SLCO5A1: variants seen among roughly 807,000 people sequenced by gnomAD.
SLCO5A1 encodes the protein solute carrier organic anion transporter family member 5A1, also known as organic anion transporter polypeptide-related protein 4.
In SLCO5A1, 39 loss-of-function variants were observed where a neutral mutation model predicts 65.1. The ratio of observed to expected loss-of-function variants is 0.60; its 90% CI spans 0.46 to 0.78. SLCO5A1 has a LOEUF of 0.78. Among genes scored for constraint, SLCO5A1 ranks in the 30% least tolerant of loss-of-function variants. The pLI is 0.00. For missense variants in SLCO5A1, 1,029 were observed against 1,069.4 expected, an observed-to-expected ratio of 0.96 and a Z score of 0.53; for synonymous variants, 438 against 415.7, an observed-to-expected ratio of 1.05 and a Z score of -0.65.
At position 69,758,951 on chromosome 8, in the gene SLCO5A1, C is replaced by T. The variant is rs1586765816; in HGVS notation, c.1040+2792G>A. 2.6e-5 allele frequency among the ~76,000 whole-genome samples: 4 copies of T among 152,314 alleles called. No homozygotes were observed. In the South Asian group the frequency reaches 8.3e-4, roughly 32 times the overall value. ...AGTTTCTTTTCCCAGCTCTCACTGACTCTGAGGCTAATGGAAAATTATTGA... is the reference window on the plus strand; with the variant it reads ...AGTTTCTTTTCCCAGCTCTCACTGATTCTGAGGCTAATGGAAAATTATTGA... On this transcript the variant is annotated intron_variant, in intron 3 of 9. Transcript: ENST00000260126.
chr8:69,815,116 G>A (rs1820349360), intron 2 of SLCO5A1, among the ~76,000 whole-genome samples: 1 of 152,100 alleles, frequency 6.6e-6, no homozygotes, highest in Non-Finnish European at 1.5e-5. Context: ...TTAATAGAGT[G>A]TGGTACATTT....
intron 2 of SLCO5A1, among the ~76,000 whole-genome samples, chr8:69,815,348 A>G (rs540409878): frequency 6.6e-6 from 1 of 152,304 alleles, no homozygotes; most frequent in South Asian, 2.1e-4. Context: ...TTAAACACTC[A>G]AAAATATTTT....
intron 5 of SLCO5A1, among the ~76,000 whole-genome samples, chr8:69,714,643 C>T (rs572836912): frequency 2.4e-4 from 37 of 152,306 alleles, no homozygotes; most frequent in Middle Eastern, 3.4e-3. Flanking sequence ...TACAGCTAAC[C>T]AAAAGAGAAT....
chr8:69,798,657 A>C (rs527780846), intron 2 of SLCO5A1, among the ~76,000 whole-genome samples: 24 of 152,252 alleles, frequency 1.6e-4, no homozygotes, highest in African/African-American at 5.5e-4. Flanking sequence ...CACCTCCAAC[A>C]CTGGGGATTA....
At chr8:69,783,443 C>A (rs557887092) in intron 2 of SLCO5A1, among the ~76,000 whole-genome samples, 1 of 151,896 alleles carries the variant, frequency 6.6e-6, no homozygotes, top group South Asian at 2.1e-4. Flanking sequence ...ATATATACAC[C>A]TACTCTGTAC....
intron 2 of SLCO5A1, among the ~76,000 whole-genome samples, chr8:69,769,131 C>T (rs749124773): frequency 2.0e-5 from 3 of 152,230 alleles, no homozygotes; most frequent in Non-Finnish European, 2.9e-5. Context: ...CAGTGACCCA[C>T]ATGGGCTACA....
chr8:69,716,757 T>G (rs1482957891), intron 5 of SLCO5A1, among the ~76,000 whole-genome samples: 2 of 151,358 alleles, frequency 1.3e-5, no homozygotes, highest in African/African-American at 4.9e-5. Flanking sequence ...AAATATTTTC[T>G]CCCATTCTGC....
At chr8:69,822,758 G>A (rs1318926236) in intron 2 of SLCO5A1, among the ~76,000 whole-genome samples, 1 of 152,230 alleles carries the variant, frequency 6.6e-6, no homozygotes, top group African/African-American at 2.4e-5. Context: ...TAATCCCCAG[G>A]TGGAAACAGG....
chr8:69,725,317 C>T (rs112457552), intron 5 of SLCO5A1, among the ~76,000 whole-genome samples: 1 of 152,070 alleles, frequency 6.6e-6, no homozygotes, highest in African/African-American at 2.4e-5. Flanking sequence ...TGCTAACATG[C>T]CCAGTAAGAA....
intron 2 of SLCO5A1, among the ~76,000 whole-genome samples, chr8:69,771,796 C>T (rs1764994997): frequency 6.6e-6 from 1 of 152,194 alleles, no homozygotes; most frequent in African/African-American, 2.4e-5. Context: ...GCTCACTTGG[C>T]ACATGGCATG....
intron 5 of SLCO5A1, among the ~76,000 whole-genome samples, chr8:69,728,818 TA>T (rs58759130): frequency 0.03 from 4,586 of 152,286 alleles, 241 homozygotes; most frequent in African/African-American, 0.1. Context: ...ATAACTGTGA[TA>T]TTAACATTTG....
chr8:69,748,549 G>A (rs1332062627), intron 4 of SLCO5A1, among the ~76,000 whole-genome samples: 1 of 152,180 alleles, frequency 6.6e-6, no homozygotes, highest in Non-Finnish European at 1.5e-5. Context: ...ATAGAGCAGA[G>A]CATCCAAACC....
intron 2 of SLCO5A1, among the ~76,000 whole-genome samples, chr8:69,779,922 A>G (rs1818725903): frequency 6.6e-6 from 1 of 152,122 alleles, no homozygotes; most frequent in African/African-American, 2.4e-5. Context: ...CAGGGGACTG[A>G]TATCCAGAAT....
intron 8 of SLCO5A1, among the ~76,000 whole-genome samples, chr8:69,677,165 CA>C (rs1813585854): frequency 6.6e-6 from 1 of 152,038 alleles, no homozygotes; most frequent in East Asian, 1.9e-4. Flanking sequence ...AAAGTATATT[CA>C]AAAAATGTAT....
chr8:69,790,500 T>G (rs1228511253), intron 2 of SLCO5A1, among the ~76,000 whole-genome samples: 1 of 151,978 alleles, frequency 6.6e-6, no homozygotes, highest in African/African-American at 2.4e-5. Context: ...GAGAGCCAGG[T>G]GTGGTGGCAC....
intron 6 of SLCO5A1, among the ~76,000 whole-genome samples, chr8:69,696,980 G>A (rs1461505070): frequency 6.6e-6 from 1 of 152,062 alleles, no homozygotes; most frequent in African/African-American, 2.4e-5. Context: ...CATGCAATAT[G>A]AGAGAATAAA....
At chr8:69,708,218 G>A (rs1255959264) in intron 5 of SLCO5A1, among the ~76,000 whole-genome samples, 2 of 152,132 alleles carry the variant, frequency 1.3e-5, no homozygotes, top group African/African-American at 2.4e-5. Flanking sequence ...AGAAAGACTG[G>A]AGTTCAAATC....
At chr8:69,683,566 T>C (rs1352756713) in intron 6 of SLCO5A1, among the ~76,000 whole-genome samples, 1 of 107,448 alleles carries the variant, frequency 9.3e-6, no homozygotes, top group African/African-American at 3.7e-5. Context: ...CCAAGACTTA[T>C]CTTTTTTTTT....
At chr8:69,709,627 C>G (rs1385549044) in intron 5 of SLCO5A1, among the ~76,000 whole-genome samples, 2 of 152,138 alleles carry the variant, frequency 1.3e-5, no homozygotes, top group Non-Finnish European at 2.9e-5. Flanking sequence ...TCATTGCAGA[C>G]GTTTTTCCTC....
Sources: allele counts gnomAD v4.1 joint callset (sites outside exome capture counted in the v4.1 genomes callset), GRCh38; gene constraint gnomAD v4.1.1; transcripts MANE v1.5; gene names NCBI Gene and HGNC (gene_info 2026-07-23, HGNC 2026-07-21).